Variants in CELF6 observed in about 807,000 individuals in gnomAD.
CELF6 encodes CUGBP Elav-like family member 6, also known as Bruno -like 6, RNA binding protein.
A neutral mutation model predicts 53.1 loss-of-function variants in CELF6; 32 were observed. The observed-to-expected ratio is 0.60, with a 90% CI of 0.46 to 0.81. The LOEUF is 0.81. Ranked by LOEUF, CELF6 falls within the 30% of genes least tolerant of loss-of-function variation. The pLI, the probability that CELF6 is intolerant of heterozygous loss-of-function variation, is 0.00. For synonymous variants in CELF6, 291 were observed against 288.8 expected, an observed-to-expected ratio of 1.01 and a Z score of -0.08; for missense variants, 539 against 669.5, an observed-to-expected ratio of 0.81 and a Z score of 2.15.
rs1429557688 is a variant in CELF6, at chr15:72,284,957, C to A, written c.*1414G>T. 6.5e-6 allele frequency: 1 copy of A among 152,682 alleles called. No homozygotes were observed. The highest frequency in any genetic ancestry group is 1.9e-4 in the East Asian group (1 of 5,198). 9.5% of individuals were successfully genotyped at this position (152,682 alleles called of 1,614,324 possible). A position where few individuals can be genotyped will look rare whatever the true frequency, so the allele number is the denominator to read the frequency against. On this transcript the variant is annotated 3_prime_UTR_variant, in exon 13 of 13. Coordinates refer to ENST00000287202, the MANE Select transcript of CELF6 (RefSeq NM_052840.5). ...AAATATGTGCAAGGCCCTACAGGCC[C>A]AGGAAAGGCTGACCAAGGCAAGGTG...
In CELF6 at chr15:72,319,885, T is replaced by A; in HGVS notation, c.-11A>T. The A allele has an allele frequency of 6.9e-7, 1 of 1,453,210 alleles. No homozygotes were observed. 90.0% of individuals were successfully genotyped at this position (1,453,210 alleles called of 1,614,324 possible). On this transcript the variant is annotated 5_prime_UTR_variant, in exon 1 of 13. Transcript: ENST00000287202. The surrounding 1 kb of genome is among the most constrained non-coding windows in gnomAD (Gnocchi z 5.0). Reference sequence around the variant, plus strand: ...CGGCGCCGCGGCCATGTCCCCGCCCTGTCAGCCCTCCCGCCGGTCCCACTG... The same window carrying A: ...CGGCGCCGCGGCCATGTCCCCGCCCAGTCAGCCCTCCCGCCGGTCCCACTG...
rs752739046 is a variant in CELF6 at position 72,315,923 on chromosome 15, A to C, written c.267T>G (p.Cys89Trp). The C allele has an allele frequency of 2.5e-6, 4 of 1,606,098 alleles. No homozygotes were observed. The highest frequency in any genetic ancestry group is 3.4e-6 in the Non-Finnish European group (4 of 1,176,318). The change falls in exon 2 of 13, where the codon TGT becomes TGG. Residue 89 changes from cysteine to tryptophan, a missense_variant. By Grantham distance (215) the Cys-to-Trp change is radical. Transcript: ENST00000287202. ...KDRLTGLHKG[C>W]AFLTYCARDS... ...CCCGGGCGCAGTAGGTGAGGAAGGC[A>C]CAGCCTGAGGAGGAAGAGGCTGGCT...
chr15:72,311,266 G>A (rs1213691964), intron 2 of CELF6, among the ~76,000 whole-genome samples: 1 of 151,338 alleles, frequency 6.6e-6, no homozygotes, highest in Non-Finnish European at 1.5e-5. Context: ...CTCCCAAAGC[G>A]CTGGGATTAC....
Position 72,288,921 on chromosome 15 carries a change from G to A in CELF6, c.1040C>T (p.Pro347Leu). The A allele has an allele frequency of 1.3e-6, 2 of 1,550,566 alleles. No homozygotes were observed. Among genetic ancestry groups the A allele is most frequent in the South Asian group, 1.2e-5 (1 of 84,056 alleles). ...CTGCTGCAGGGGGTCAGCCACGCCG[G>A]GGCTCTGGGCTGGGGAGAGAGGGGC... ...NGLSPYPAQS[P>L]GVADPLQQAY... Residue 347 changes from proline to leucine, a missense_variant, in exon 9 of 13, where the codon CCC becomes CTC. By Grantham distance (98) the Pro-to-Leu change is moderately conservative. Coordinates refer to ENST00000287202, the MANE Select transcript of CELF6 (RefSeq NM_052840.5). This position sits in a 1 kb window ranked among gnomAD's most constrained non-coding sequence, Gnocchi z 4.6.
rs564865112 is a variant in CELF6, at chr15:72,301,091, C to T, written c.394+3655G>A. 5.7e-4 allele frequency among the ~76,000 whole-genome samples: 87 copies of T among 152,122 alleles called. 1 individual carries two copies. The highest frequency in any genetic ancestry group is 2.0e-3 in the African/African-American group (82 of 41,490). ...CTCGAACTCCTGGGCTCAAGTGATC[C>T]TCCTGCCTCAGCCTCCCGAGTAGCT... is the stretch of plus-strand genomic sequence containing the variant. On this transcript the variant is annotated intron_variant, in intron 3 of 12. Coordinates refer to ENST00000287202, the MANE Select transcript of CELF6 (RefSeq NM_052840.5).
chr15:72,303,122 A>G (rs2088179666), intron 3 of CELF6, among the ~76,000 whole-genome samples: 1 of 151,994 alleles, frequency 6.6e-6, no homozygotes, highest in African/African-American at 2.4e-5. Flanking sequence ...TCACTCACAT[A>G]CTCTTAGTTG....
chr15:72,293,107 G>A (rs1281368314), intron 3 of CELF6, among the ~76,000 whole-genome samples: 1 of 152,186 alleles, frequency 6.6e-6, no homozygotes, highest in Non-Finnish European at 1.5e-5. Context: ...GTTTGGAATG[G>A]AAATGAGTAT....
intron 2 of CELF6, chr15:72,313,680 T>G: frequency 1.2e-6 from 1 of 805,930 alleles, no homozygotes. Flanking sequence ...CTTCTGTGTC[T>G]GCACCTTTAC....
At chr15:72,306,159 G>T in intron 2 of CELF6, 1 of 976,322 alleles carries the variant, frequency 1.0e-6, no homozygotes, top group Non-Finnish European at 1.2e-6. Context: ...CATGGGTGTT[G>T]TGGGGATCAC....
Position 72,288,335 on chromosome 15 carries a change from G to C in CELF6, c.1291C>G (p.Arg431Gly), listed in dbSNP as rs2087948223. ...AVVSAKVFVD[R>G]ATNQSKCFGF... is the part of the protein sequence containing the mutation. ...AAACACTTGCTCTGGTTGGTGGCTC[G>C]ATCCACAAAGACTTTAGCAGAGACA... Residue 431 changes from arginine (R) to glycine (G), a missense_variant, in exon 11 of 13, where the codon CGA (arginine) becomes GGA (glycine). Around this residue, in one of 3 missense-constraint regions of CELF6, gnomAD observed 358 missense variants for 412.8 expected, o/e 0.87. Coordinates refer to ENST00000287202, the MANE Select transcript of CELF6 (RefSeq NM_052840.5). The surrounding 1 kb of genome is among the most constrained non-coding windows in gnomAD (Gnocchi z 4.6). 6.2e-7 allele frequency: 1 copy of C among 1,614,158 alleles called. No homozygotes were observed. The highest frequency in any genetic ancestry group is 8.5e-7 in the Non-Finnish European group (1 of 1,180,024).
chr15:72,308,443 T>C (rs1384141641), intron 2 of CELF6, among the ~76,000 whole-genome samples: 1 of 151,990 alleles, frequency 6.6e-6, no homozygotes, highest in Non-Finnish European at 1.5e-5. Flanking sequence ...GTCAGGTTGG[T>C]CTTGAACTCC....
rs766332023 is a variant in CELF6, at chr15:72,287,298, T to C, written c.1413A>G (p.Leu471=). 3 of 1,614,188 alleles carry C rather than the reference T, an allele frequency of 1.9e-6. No individual in the cohort carries two copies. The highest frequency in any genetic ancestry group is 2.5e-6 in the Non-Finnish European group (3 of 1,180,018). The change falls in exon 12 of 13, where the codon CTA becomes CTG. Residue 471 remains leucine, a synonymous_variant. Coordinates refer to ENST00000287202, the MANE Select transcript of CELF6 (RefSeq NM_052840.5). ...QIGMKRLKVQ[L]KRPKDANRPY ...GCCGGTTGGCATCCTTGGGCCGCTTTAGCTGGACCTTGAGCCTCTTCATGC... is the reference window on the plus strand; with the variant it reads ...GCCGGTTGGCATCCTTGGGCCGCTTCAGCTGGACCTTGAGCCTCTTCATGC...
intron 3 of CELF6, among the ~76,000 whole-genome samples, chr15:72,301,240 C>A (rs4606667): frequency 0.75 from 113,618 of 152,054 alleles, 48,464 homozygotes; most frequent in Non-Finnish European, 0.94. Flanking sequence ...GTCATCCTCC[C>A]GCCTTGGCCT....
At chr15:72,287,113 C>T (rs1222268557) in intron 12 of CELF6, 124 bp downstream of exon 12, 2 of 836,952 alleles carry the variant, frequency 2.4e-6, no homozygotes, top group East Asian at 2.6e-5. Flanking sequence ...TAGCTCCTGG[C>T]TCTTCTCTCT....
chr15:72,294,769 G>C (rs1346446339), intron 3 of CELF6, among the ~76,000 whole-genome samples: 1 of 151,978 alleles, frequency 6.6e-6, no homozygotes. Context: ...CATGAGGTCA[G>C]GAGTTCAAGA....
intron 3 of CELF6, among the ~76,000 whole-genome samples, chr15:72,300,203 A>T (rs2088133673): frequency 6.6e-6 from 1 of 152,066 alleles, no homozygotes; most frequent in Non-Finnish European, 1.5e-5. Flanking sequence ...AAAAATAAAA[A>T]TACAAAAATT....
rs758122426 is a variant in CELF6 at position 72,320,155 on chromosome 15, C to A, written c.-281G>T. 1.1e-5 allele frequency: 7 copies of A among 629,356 alleles called. No individual in the cohort carries two copies. Among genetic ancestry groups the A allele is most frequent in the Non-Finnish European group, 2.1e-5 (7 of 338,704 alleles). The allele number at this position is 629,356 out of a possible 1,614,324, so 39.0% of individuals were successfully genotyped here. A position where few individuals can be genotyped will look rare whatever the true frequency, so the allele number is the denominator to read the frequency against. ...GGCTCTCTCTGGGCTCCCGCCCGAG[C>A]TCTCCCAGAGCCGAGCCCCGAGCCC... is the stretch of plus-strand genomic sequence containing the variant. On this transcript the variant is annotated 5_prime_UTR_variant, in exon 1 of 13. Transcript: ENST00000287202.
rs528469774 is a variant in CELF6, at chr15:72,293,983, C to T, written c.395-3728G>A. Among the ~76,000 whole-genome samples, 6 of 152,338 alleles carry T rather than the reference C, an allele frequency of 3.9e-5. No homozygotes were observed. The South Asian group carries it at 1.2e-3, about 32-fold the overall frequency. On this transcript the variant is annotated intron_variant, in intron 3 of 12. Coordinates refer to ENST00000287202, the MANE Select transcript of CELF6 (RefSeq NM_052840.5). ...TGCTTGGGATTTCATGTGTGAGCCA[C>T]CACACCCAGTCTCAAATGCTTTTTG... is the stretch of plus-strand genomic sequence containing the variant.
At chr15:72,311,189 CG>C (rs1469703445) in intron 2 of CELF6, among the ~76,000 whole-genome samples, 1 of 151,410 alleles carries the variant, frequency 6.6e-6, no homozygotes, top group Non-Finnish European at 1.5e-5. Context: ...TTAGTAGAGA[CG>C]GGGTTTCACC....
Sources: gnomAD v4.1 joint callset for allele counts (sites outside exome capture counted in the v4.1 genomes callset) on GRCh38, gnomAD v4.1.1 for gene constraint, gnomAD v4.1.1 regional missense constraint, Gnocchi (gnomAD v3.1) non-coding constraint, MANE v1.5 for transcripts, NCBI Gene and HGNC (gene_info 2026-07-23, HGNC 2026-07-21) for gene names.